Variants in TSPAN14 observed in about 807,000 individuals in gnomAD.
TSPAN14 encodes tetraspanin-14.
TSPAN14 carries 16 observed loss-of-function variants against 36.6 expected under a neutral mutation model. The ratio of observed to expected loss-of-function variants is 0.44; its 90% CI spans 0.30 to 0.66. The LOEUF is 0.66. Ranked by LOEUF, TSPAN14 falls within the 30% of genes least tolerant of loss-of-function variation. The pLI is 0.12. For missense variants in TSPAN14, 231 were observed against 355.1 expected (o/e 0.65, Z 2.81); for synonymous variants, 139 against 143.8 (o/e 0.97, Z 0.24).
intron 1 of TSPAN14, among the ~76,000 whole-genome samples, chr10:80,456,256 G>T (rs1226613767): frequency 6.6e-6 from 1 of 152,164 alleles, no homozygotes; most frequent in East Asian, 1.9e-4. Context: ...AGACGGGGTT[G>T]TGGGGGGGGT....
At chr10:80,473,219 A>G (rs1368507653) in intron 1 of TSPAN14, among the ~76,000 whole-genome samples, 1 of 152,184 alleles carries the variant, frequency 6.6e-6, no homozygotes, top group African/African-American at 2.4e-5. Context: ...CCCTGACTCA[A>G]ATCCACCCAC....
intron 1 of TSPAN14, among the ~76,000 whole-genome samples, chr10:80,481,029 C>T (rs371005763): frequency 1.3e-5 from 2 of 152,018 alleles, no homozygotes; most frequent in African/African-American, 2.4e-5. Flanking sequence ...CTCTGGAACC[C>T]GGAAGGCAGA....
chr10:80,491,118 G>C (rs1847898444), intron 2 of TSPAN14, among the ~76,000 whole-genome samples: 1 of 152,140 alleles, frequency 6.6e-6, no homozygotes, highest in African/African-American at 2.4e-5. Flanking sequence ...GGGATTTTCT[G>C]TCCTAGAGAA....
intron 1 of TSPAN14, among the ~76,000 whole-genome samples, chr10:80,473,508 T>C (rs944774298): frequency 1.3e-5 from 2 of 152,030 alleles, no homozygotes; most frequent in African/African-American, 2.4e-5. Context: ...GGTCAGGGGC[T>C]TGATGGCCTT....
intron 7 of TSPAN14, among the ~76,000 whole-genome samples, chr10:80,514,723 C>A (rs1840838308): frequency 1.3e-5 from 2 of 151,980 alleles, no homozygotes; most frequent in African/African-American, 4.8e-5. Context: ...TAGGGACCTG[C>A]ATTTCACAGG....
intron 1 of TSPAN14, among the ~76,000 whole-genome samples, chr10:80,472,751 T>C (rs1367093427): frequency 3.3e-5 from 5 of 152,262 alleles, no homozygotes; most frequent in African/African-American, 4.8e-5. Flanking sequence ...TAGAATGGGC[T>C]CATGAATTCT....
At chr10:80,501,027 C>A (rs1048590703) in intron 2 of TSPAN14, among the ~76,000 whole-genome samples, 1 of 152,068 alleles carries the variant, frequency 6.6e-6, no homozygotes, top group Non-Finnish European at 1.5e-5. Flanking sequence ...TATTTAGTCA[C>A]CTAGGAGAAC....
chr10:80,464,059 A>G (rs1485921638), intron 1 of TSPAN14, among the ~76,000 whole-genome samples: 1 of 152,060 alleles, frequency 6.6e-6, no homozygotes, highest in African/African-American at 2.4e-5. Context: ...GGAGGCGGGG[A>G]GCAGGCTTCT....
chr10:80,480,933 TAATAA>T (rs977350854), intron 1 of TSPAN14, among the ~76,000 whole-genome samples: 6 of 151,958 alleles, frequency 3.9e-5, no homozygotes, highest in South Asian at 2.1e-4. Context: ...AGTATAATAA[TAATAA>T]AATAAAAGAA....
chr10:80,470,361 G>C (rs1490988275), intron 1 of TSPAN14, among the ~76,000 whole-genome samples: 1 of 152,218 alleles, frequency 6.6e-6, no homozygotes, highest in Non-Finnish European at 1.5e-5. Flanking sequence ...TTACAGGTGT[G>C]AACCGCTGCG....
At chr10:80,455,412 C>T (rs1351921796) in intron 1 of TSPAN14, among the ~76,000 whole-genome samples, 6 of 152,104 alleles carry the variant, frequency 3.9e-5, no homozygotes, top group Non-Finnish European at 8.8e-5. Context: ...ATTGGAGCCT[C>T]TGCAGGTGTG....
Position 80,464,093 on chromosome 10 carries a change from C to T in TSPAN14, c.-18+9722C>T, listed in dbSNP as rs181863975. Reference sequence around the variant, plus strand: ...CTCATAGTGGGTTCCAGCAACCTCACGACTTTGCAGGACCTATGTGGGGTG... The same window carrying T: ...CTCATAGTGGGTTCCAGCAACCTCATGACTTTGCAGGACCTATGTGGGGTG... On this transcript the variant is annotated intron_variant, in intron 1 of 8. Transcript: ENST00000429989. 6.8e-3 allele frequency among the ~76,000 whole-genome samples: 1,039 copies of T among 152,296 alleles called. 10 individuals are homozygous for T. The highest frequency in any genetic ancestry group is 9.8e-3 in the Non-Finnish European group (664 of 68,022).
intron 5 of TSPAN14, among the ~76,000 whole-genome samples, chr10:80,511,640 G>A (rs1236471396): frequency 6.6e-6 from 1 of 151,266 alleles, no homozygotes. Context: ...AGGAGGCACC[G>A]TGGCCCGGAG....
Position 80,465,232 on chromosome 10 carries a change from G to T in TSPAN14, c.-18+10861G>T, listed in dbSNP as rs1846178179. Among the ~76,000 whole-genome samples the T allele has an allele frequency of 2.0e-5, 3 of 152,038 alleles. No homozygotes were observed. The South Asian group carries it at 6.2e-4, about 32-fold the overall frequency. On this transcript the variant is annotated intron_variant, in intron 1 of 8. Transcript: ENST00000429989. ...TGGGTGGGGGCCAGGCACGTGCCTG[G>T]GTTGCTATTAGTCTCCCAGGCCCCC...
intron 1 of TSPAN14, chr10:80,485,678 C>T: frequency 2.0e-6 from 2 of 985,468 alleles, no homozygotes; most frequent in Non-Finnish European, 2.4e-6. Context: ...CGCTGGCCAA[C>T]ACAGCAGAGA....
chr10:80,483,697 T>C (rs1321994678), intron 1 of TSPAN14, among the ~76,000 whole-genome samples: 2 of 151,658 alleles, frequency 1.3e-5, no homozygotes, highest in Non-Finnish European at 2.9e-5. Context: ...TCACCCAAGG[T>C]CAGTAGTTCG....
chr10:80,482,976 C>T (rs1847377655), intron 1 of TSPAN14, among the ~76,000 whole-genome samples: 1 of 152,120 alleles, frequency 6.6e-6, no homozygotes, highest in African/African-American at 2.4e-5. Flanking sequence ...CTCAGGTGAT[C>T]CACCTGTCTC....
intron 4 of TSPAN14, among the ~76,000 whole-genome samples, chr10:80,508,851 C>T (rs773165082): frequency 1.3e-5 from 2 of 152,098 alleles, no homozygotes; most frequent in Non-Finnish European, 2.9e-5. Context: ...AGTGGGGAGT[C>T]ATCAGATAAT....
chr10:80,466,796 G>A (rs141323778), intron 1 of TSPAN14, among the ~76,000 whole-genome samples: 3 of 152,234 alleles, frequency 2.0e-5, no homozygotes, highest in East Asian at 1.9e-4. Context: ...GTTGGATTAC[G>A]GTTTTGTTTT....
Sources: gnomAD v4.1 joint callset for allele counts (sites outside exome capture counted in the v4.1 genomes callset) on GRCh38, gnomAD v4.1.1 for gene constraint, MANE v1.5 for transcripts, NCBI Gene and HGNC (gene_info 2026-07-23, HGNC 2026-07-21) for gene names.